CNDP1: variants seen among roughly 807,000 people sequenced by gnomAD.
CNDP1 encodes the protein carnosine dipeptidase 1.
In CNDP1, 44 loss-of-function variants were observed where a neutral mutation model predicts 58.1. That is an observed-to-expected ratio of 0.76 (90% CI 0.60 to 0.97). The LOEUF is 0.97. CNDP1 is among the 50% of genes least tolerant of loss of function. The pLI, the probability that CNDP1 is intolerant of heterozygous loss-of-function variation, is 0.00. For synonymous variants in CNDP1, 254 were observed against 252.6 expected (o/e 1.01, Z -0.05); for missense variants, 616 against 655.1 (o/e 0.94, Z 0.65).
At chr18:74,551,013 A>G (rs374074598) in intron 1 of CNDP1, among the ~76,000 whole-genome samples, 3 of 152,098 alleles carry the variant, frequency 2.0e-5, no homozygotes, top group African/African-American at 4.8e-5. Flanking sequence ...GTAATCCTCA[A>G]TGTTGGAGGT....
chr18:74,571,325 C>T (rs1981475153), intron 7 of CNDP1, 55 bp downstream of exon 7: 1 of 1,230,898 alleles, frequency 8.1e-7, no homozygotes, highest in Non-Finnish European at 1.2e-6. Context: ...TAAAAGACAG[C>T]TCTACTTGAT....
chr18:74,538,026 T>C (rs750515038), intron 1 of CNDP1, among the ~76,000 whole-genome samples: 4 of 152,242 alleles, frequency 2.6e-5, no homozygotes, highest in Non-Finnish European at 5.9e-5. Context: ...CAAACTTTAG[T>C]GTGAGCAGTT....
chr18:74,546,666 A>G (rs1028664123), intron 1 of CNDP1, among the ~76,000 whole-genome samples: 2 of 152,102 alleles, frequency 1.3e-5, no homozygotes, highest in Non-Finnish European at 1.5e-5. Flanking sequence ...TCTCCCTGCA[A>G]ACCACGGAAA....
chr18:74,555,415 G>T (rs1168247971), intron 1 of CNDP1, among the ~76,000 whole-genome samples: 3 of 152,150 alleles, frequency 2.0e-5, no homozygotes, highest in African/African-American at 7.2e-5. Context: ...GCCTCTGATG[G>T]CTCGGGCTGC....
chr18:74,580,349 A>G, intron 10 of CNDP1, 78 bp downstream of exon 10: 1 of 1,441,590 alleles, frequency 6.9e-7, no homozygotes, highest in Non-Finnish European at 9.7e-7. Flanking sequence ...TGGGTAAAGC[A>G]GACACTTTTA....
At chr18:74,552,718 C>T (rs1472729674) in intron 1 of CNDP1, among the ~76,000 whole-genome samples, 2 of 152,210 alleles carry the variant, frequency 1.3e-5, no homozygotes, top group Non-Finnish European at 2.9e-5. Flanking sequence ...CTTTTGGCTA[C>T]TATGAATAAT....
Position 74,567,328 on chromosome 18 carries a change from C to T in CNDP1, c.651C>T (p.Phe217=). The part of the protein sequence containing the change: ...EELVEKEKDR[F]FSGVDYIVIS... The stretch of plus-strand genomic sequence containing the variant: ...TTGTGGAAAAAGAAAAGGACCGATT[C>T]TTCTCTGGTGTGGACTACATTGTAA... Residue 217 remains phenylalanine, a synonymous_variant, in exon 6 of 12, where the codon TTC becomes TTT. Coordinates refer to ENST00000358821, the MANE Select transcript of CNDP1 (RefSeq NM_032649.6). 1.2e-6 allele frequency: 2 copies of T among 1,614,140 alleles called. No homozygotes were observed. The highest frequency in any genetic ancestry group is 1.7e-6 in the Non-Finnish European group (2 of 1,179,982).
intron 2 of CNDP1, among the ~76,000 whole-genome samples, chr18:74,556,755 C>T (rs979575246): frequency 6.6e-6 from 1 of 152,192 alleles, no homozygotes; most frequent in African/African-American, 2.4e-5. Flanking sequence ...CAAGTCTGCC[C>T]TGGTCCATCA....
At chr18:74,552,731 C>T (rs958684417) in intron 1 of CNDP1, among the ~76,000 whole-genome samples, 1 of 152,148 alleles carries the variant, frequency 6.6e-6, no homozygotes, top group Admixed American at 6.5e-5. Context: ...TGAATAATGC[C>T]GCTATAAACA....
At chr18:74,562,169 G>C in intron 5 of CNDP1, 34 bp downstream of exon 5, 1 of 1,595,694 alleles carries the variant, frequency 6.3e-7, no homozygotes, top group East Asian at 2.2e-5. Flanking sequence ...GAGAGGAGGA[G>C]GAGGATGGTA....
intron 6 of CNDP1, among the ~76,000 whole-genome samples, chr18:74,570,215 TAATTAA>T (rs1320192538): frequency 5.7e-5 from 4 of 69,626 alleles, no homozygotes; most frequent in Non-Finnish European, 7.8e-5. Flanking sequence ...ATAATAATAA[TAATTAA>T]TAATAATAAT....
chr18:74,538,565 T>C (rs1267472778), intron 1 of CNDP1, among the ~76,000 whole-genome samples: 2 of 152,192 alleles, frequency 1.3e-5, no homozygotes, highest in Non-Finnish European at 2.9e-5. Context: ...GGAGTGGAAT[T>C]GCCGGTTGAT....
intron 1 of CNDP1, among the ~76,000 whole-genome samples, chr18:74,548,860 C>G (rs1256549548): frequency 6.6e-6 from 1 of 152,228 alleles, no homozygotes; most frequent in Non-Finnish European, 1.5e-5. Context: ...AAGAGCTTGG[C>G]TGCATTGTGT....
intron 1 of CNDP1, among the ~76,000 whole-genome samples, chr18:74,549,661 C>G (rs990493910): frequency 6.6e-6 from 1 of 152,114 alleles, no homozygotes; most frequent in African/African-American, 2.4e-5. Flanking sequence ...GAGAGACTTG[C>G]GTGACTAAAA....
At chr18:74,576,763 A>G (rs1374110737) in intron 7 of CNDP1, 106 bp from the exon 8 acceptor site, 2 of 1,021,994 alleles carry the variant, frequency 2.0e-6, no homozygotes, top group African/African-American at 3.3e-5. Context: ...CAGACAGTCA[A>G]GAGGCCTGCT....
chr18:74,577,255 A>G, intron 8 of CNDP1: 3 of 362,282 alleles, frequency 8.3e-6, no homozygotes, highest in Non-Finnish European at 1.5e-5. Context: ...GCACTTAACC[A>G]CAAGCAGTTA....
chr18:74,546,207 T>C (rs967625864), intron 1 of CNDP1, among the ~76,000 whole-genome samples: 16 of 152,328 alleles, frequency 1.1e-4, no homozygotes, highest in Admixed American at 3.3e-4. Flanking sequence ...TAGTGCAAAG[T>C]GGTGCTGTGC....
At position 74,560,909 on chromosome 18, in the gene CNDP1, G is replaced by A; in HGVS notation, c.357G>A (p.Gly119=). The change falls in exon 4 of 12, where the codon GGG becomes GGA. Residue 119 remains glycine (G), a synonymous_variant. Transcript: ENST00000358821. ...CTCCCGTCATCCTGGCCGAACTGGG[G>A]AGCGATCCCACGAAAGGCACCGTGT... is the stretch of plus-strand genomic sequence containing the variant. ...PIPPVILAEL[G]SDPTKGTVCF... is the part of the protein sequence containing the mutation. The A allele has an allele frequency of 1.2e-6, 2 of 1,614,150 alleles. No individual in the cohort carries two copies. Among genetic ancestry groups the A allele is most frequent in the Non-Finnish European group, 1.7e-6 (2 of 1,180,026 alleles).
chr18:74,565,897 C>G (rs1981316369), intron 5 of CNDP1, among the ~76,000 whole-genome samples: 1 of 152,260 alleles, frequency 6.6e-6, no homozygotes, highest in South Asian at 2.1e-4. Flanking sequence ...ACTGCCCTAG[C>G]AGAGGCTCTC....
Sources: allele counts gnomAD v4.1 joint callset (sites outside exome capture counted in the v4.1 genomes callset), GRCh38; gene constraint gnomAD v4.1.1; transcripts MANE v1.5; gene names NCBI Gene and HGNC (gene_info 2026-07-23, HGNC 2026-07-21).